C10orf105: variants seen among roughly 807,000 people sequenced by gnomAD.
C10orf105 encodes the protein uncharacterized protein C10orf105.
In C10orf105, 2 loss-of-function variants were observed where a neutral mutation model predicts 0.6. The observed-to-expected ratio is 3.18, with a 90% confidence interval of 1.30 to 10.01. C10orf105 has a LOEUF of 10.01. C10orf105 is among the 30% of genes most tolerant of loss of function. The probability of loss-of-function intolerance (pLI) is 0.04; values close to 1 mark genes in which losing one functional copy is unlikely to be tolerated. For synonymous variants in C10orf105, 95 were observed against 82.4 expected (o/e 1.15, Z -0.83); for missense variants, 209 against 191.4 (o/e 1.09, Z -0.54).
At chr10:71,728,467 C>T (rs148029457) in intron 1 of C10orf105, among the ~76,000 whole-genome samples, 166 of 152,280 alleles carry the variant, frequency 1.1e-3, no homozygotes, top group Non-Finnish European at 1.7e-3. Flanking sequence ...CTGCTGTTTT[C>T]GGCTTCTACC....
At chr10:71,724,485 G>A (rs1866718994), upstream of C10orf105, among the ~76,000 whole-genome samples, 2 of 152,170 alleles carry the variant, frequency 1.3e-5, no homozygotes, top group South Asian at 2.1e-4. Flanking sequence ...TGTGCTTTTA[G>A]TAGAGACAGG....
In C10orf105 at chr10:71,712,959, G is replaced by GA. The variant is rs34384651; in HGVS notation, c.*2976dup. The GA allele has an allele frequency of 2.0e-6, 2 of 987,488 alleles. No homozygotes were observed. The highest frequency in any genetic ancestry group is 3.1e-6 in the Non-Finnish European group (2 of 641,546). The allele number at this position is 987,488 out of a possible 1,614,324, so 61.2% of individuals were successfully genotyped here. ...CCGCTGCTCTGGAAGGTGCTGTGGG[G>GA]AAAGGGGGACCCAGGCCCTCTCCCA... On this transcript the variant is annotated 3_prime_UTR_variant, in exon 2 of 2. Transcript: ENST00000441508.
In C10orf105 at chr10:71,713,009, T is replaced by TTGCAGAGC; in HGVS notation, c.*2919_*2926dup. 1 of 756,160 alleles carries TTGCAGAGC rather than the reference T, an allele frequency of 1.3e-6. No individual in the cohort carries two copies. Among genetic ancestry groups the TTGCAGAGC allele is most frequent in the Non-Finnish European group, 2.4e-6 (1 of 423,626 alleles). 46.8% of individuals were successfully genotyped at this position (756,160 alleles called of 1,614,324 possible). A position where few individuals can be genotyped will look rare whatever the true frequency, so the allele number is the denominator to read the frequency against. ...ATCCCAGGGAGTGTGGGCCCCCAGG[T>TTGCAGAGC]TGCAGAGCTGAGGATAGGGCTCTGG... On this transcript the variant is annotated 3_prime_UTR_variant, in exon 2 of 2. Coordinates refer to ENST00000441508, the MANE Select transcript of C10orf105 (RefSeq NM_001164375.3).
chr10:71,736,469 G>A (rs751814739), intron 1 of C10orf105, among the ~76,000 whole-genome samples: 9 of 152,240 alleles, frequency 5.9e-5, no homozygotes, highest in Non-Finnish European at 1.0e-4. Flanking sequence ...GGCAGGCTGG[G>A]TAGGGCATGG....
chr10:71,734,737 C>A (rs1839507617), intron 1 of C10orf105: 2 of 910,528 alleles, frequency 2.2e-6, no homozygotes, highest in Non-Finnish European at 3.3e-6. Flanking sequence ...GGCCCTGGAC[C>A]TTCCCACCTC....
At chr10:71,726,570 G>T (rs561419338) in intron 1 of C10orf105, among the ~76,000 whole-genome samples, 2 of 152,364 alleles carry the variant, frequency 1.3e-5, no homozygotes, top group East Asian at 3.9e-4. Context: ...CTGTGGAAAT[G>T]GCTGAGAGGG....
chr10:71,720,002 G>A (rs555538345), upstream of C10orf105, among the ~76,000 whole-genome samples: 8 of 152,356 alleles, frequency 5.3e-5, no homozygotes, highest in Admixed American at 3.9e-4. Flanking sequence ...GGAGACGCAG[G>A]GGGAGGGTTT....
At chr10:71,733,501 AC>A (rs1839458929) in intron 1 of C10orf105, among the ~76,000 whole-genome samples, 1 of 152,340 alleles carries the variant, frequency 6.6e-6, no homozygotes, top group African/African-American at 2.4e-5. Flanking sequence ...CGAGGACCCC[AC>A]CAAGAGTTGC....
chr10:71,722,637 T>C (rs1866611449), upstream of C10orf105, among the ~76,000 whole-genome samples: 1 of 151,996 alleles, frequency 6.6e-6, no homozygotes, highest in Admixed American at 6.5e-5. Context: ...TGACCAGGGG[T>C]AGGGAAGGCC....
At chr10:71,717,085 C>G (rs1866292803) in intron 1 of C10orf105, 1 of 152,286 alleles carries the variant, frequency 6.6e-6, no homozygotes, top group Non-Finnish European at 1.5e-5. Flanking sequence ...GACTGCTTCC[C>G]CATGCAGTCC....
rs1448656853 is a variant in C10orf105 at position 71,732,784 on chromosome 10, T to C, written c.-6+4944A>G. On this transcript the variant is annotated intron_variant, in intron 1 of 1. Transcript: ENST00000398786. Reference sequence around the variant, plus strand: ...ACACCCATCACAGATCCTTCACCTCTGGTCATCGAAGTGTGTGTGGGGTTT... The same window carrying C: ...ACACCCATCACAGATCCTTCACCTCCGGTCATCGAAGTGTGTGTGGGGTTT... The C allele has an allele frequency of 5.4e-6, 5 of 927,720 alleles. No homozygotes were observed. The Admixed American group carries it at 2.4e-4, about 45-fold the overall frequency. 57.5% of individuals were successfully genotyped at this position (927,720 alleles called of 1,614,324 possible).
chr10:71,737,232 C>T (rs1839592119), intron 1 of C10orf105, among the ~76,000 whole-genome samples: 1 of 152,194 alleles, frequency 6.6e-6, no homozygotes, highest in Non-Finnish European at 1.5e-5. Flanking sequence ...TCATGAATGT[C>T]TGCCAGGCAG....
At chr10:71,720,915 T>C (rs1188443820), upstream of C10orf105, among the ~76,000 whole-genome samples, 1 of 152,226 alleles carries the variant, frequency 6.6e-6, no homozygotes, top group Non-Finnish European at 1.5e-5. Flanking sequence ...GGGCAGGCAG[T>C]AGGCATCCAG....
At chr10:71,724,424 A>T (rs1866715587), upstream of C10orf105, among the ~76,000 whole-genome samples, 1 of 152,122 alleles carries the variant, frequency 6.6e-6, no homozygotes, top group Non-Finnish European at 1.5e-5. Flanking sequence ...TCCCGTCCCC[A>T]GTAGCTCAGT....
intron 1 of C10orf105, among the ~76,000 whole-genome samples, chr10:71,735,618 C>T (rs1052834493): frequency 1.3e-5 from 2 of 152,204 alleles, no homozygotes; most frequent in African/African-American, 4.8e-5. Flanking sequence ...CATTGCCACG[C>T]CCTGCTGAGT....
At position 71,713,338 on chromosome 10, in the gene C10orf105, C is replaced by A. The variant is rs1275766365; in HGVS notation, c.*2598G>T. 1 of 774,426 alleles carries A rather than the reference C, an allele frequency of 1.3e-6. No homozygotes were observed. Among genetic ancestry groups the A allele is most frequent in the Non-Finnish European group, 2.4e-6 (1 of 415,856 alleles). 48.0% of individuals were successfully genotyped at this position (774,426 alleles called of 1,614,324 possible). A position where few individuals can be genotyped will look rare whatever the true frequency, so the allele number is the denominator to read the frequency against. On this transcript the variant is annotated 3_prime_UTR_variant, in exon 2 of 2. Transcript: ENST00000441508. Reference sequence around the variant, plus strand: ...CCCTGAAAACAATTTGGGTGTGCACCCACACCTCTGCCCAGAGGCCTCAGT... The same window carrying A: ...CCCTGAAAACAATTTGGGTGTGCACACACACCTCTGCCCAGAGGCCTCAGT...
Position 71,728,004 on chromosome 10 carries a change from G to A in C10orf105, c.-6+9724C>T, listed in dbSNP as rs769157952. ...CTCATGGAGGACAGGCCACACCCCA[G>A]CTCCCTGCCACCTCTCTCATCTTGT... On this transcript the variant is annotated intron_variant, in intron 1 of 1. Coordinates refer to the C10orf105 transcript ENST00000398786. 5.3e-5 allele frequency among the ~76,000 whole-genome samples: 8 copies of A among 152,154 alleles called. No homozygotes were observed. The South Asian group carries it at 6.2e-4, about 12-fold the overall frequency.
Position 71,713,705 on chromosome 10 carries a change from C to T in C10orf105, c.*2231G>A. The T allele has an allele frequency of 5.4e-6, 1 of 184,196 alleles. No homozygotes were observed. Among genetic ancestry groups the T allele is most frequent in the East Asian group, 1.6e-4 (1 of 6,330 alleles). The allele number at this position is 184,196 out of a possible 1,614,324, so 11.4% of individuals were successfully genotyped here. The stretch of plus-strand genomic sequence containing the variant: ...GCTTGTGAGGACTTGGAGCATACCC[C>T]CCTGGCCTGGTGCCTGAAACCCAAT... On this transcript the variant is annotated 3_prime_UTR_variant, in exon 2 of 2. Transcript: ENST00000441508.
At chr10:71,731,043 G>A (rs1839362955) in intron 1 of C10orf105, among the ~76,000 whole-genome samples, 1 of 152,244 alleles carries the variant, frequency 6.6e-6, no homozygotes, top group African/African-American at 2.4e-5. Flanking sequence ...TGTACAAGGG[G>A]CAGTACCCTT....
Sources: allele counts gnomAD v4.1 joint callset (sites outside exome capture counted in the v4.1 genomes callset), GRCh38; gene constraint gnomAD v4.1.1; transcripts MANE v1.5; gene names NCBI Gene and HGNC (gene_info 2026-07-23, HGNC 2026-07-21).